Variants in LRRC2 observed in about 807,000 individuals in gnomAD.
The protein encoded by LRRC2 is leucine-rich repeat-containing protein 2.
LRRC2 carries 27 observed loss-of-function variants against 40.2 expected under a neutral mutation model. The ratio of observed to expected loss-of-function variants is 0.67; its 90% CI spans 0.49 to 0.93. The LOEUF is 0.93. Among genes scored for constraint, LRRC2 ranks in the 40% least tolerant of loss-of-function variants. The pLI, the probability that LRRC2 is intolerant of heterozygous loss-of-function variation, is 0.00. For synonymous variants in LRRC2, 147 were observed against 158.9 expected (o/e 0.92, Z 0.56); for missense variants, 402 against 439.6 (o/e 0.91, Z 0.76).
chr3:46,521,485 C>T, intron 8 of LRRC2, 37 bp downstream of exon 8: 8 of 1,481,862 alleles, frequency 5.4e-6, no homozygotes, highest in Non-Finnish European at 7.3e-6. Flanking sequence ...GACGTCTGTA[C>T]ACTAATTTTA....
intron 1 of LRRC2, among the ~76,000 whole-genome samples, chr3:46,564,641 G>C (rs892833030): frequency 5.3e-5 from 8 of 152,146 alleles, no homozygotes; most frequent in African/African-American, 1.9e-4. Flanking sequence ...CTGGGAGGGG[G>C]ACAGGAGCAA....
rs769664566 is a variant in LRRC2 at position 46,527,518 on chromosome 3, C to T, written c.837G>A (p.Met279Ile). The change falls in exon 7 of 9, where the codon ATG (methionine) becomes ATA (isoleucine). Residue 279 changes from methionine (M) to isoleucine (I), a missense_variant. Coordinates refer to ENST00000395905, the MANE Select transcript of LRRC2 (RefSeq NM_024512.5). ...ACAGAGTGAGCTTCTTCAGGTTCAG[C>T]ATGGAATAGGGAAGGTAGGTCAACT... ...KNKLTYLPYS[M>I]LNLKKLTLLV... The T allele has an allele frequency of 5.0e-5, 81 of 1,613,860 alleles. No individual in the cohort carries two copies. Among genetic ancestry groups the T allele is most frequent in the Non-Finnish European group, 6.9e-5 (81 of 1,179,894 alleles).
At chr3:46,544,131 C>G (rs1050070349) in intron 3 of LRRC2, among the ~76,000 whole-genome samples, 1 of 119,916 alleles carries the variant, frequency 8.3e-6, no homozygotes, top group Admixed American at 8.4e-5. Context: ...GTCTCTCCAC[C>G]GAGTCCTTTT....
At position 46,515,581 on chromosome 3, in the gene LRRC2, G is replaced by A. The variant is rs1703846246; in HGVS notation, c.*3433C>T. The A allele has an allele frequency of 1.3e-5, 2 of 152,020 alleles. No individual in the cohort carries two copies. The highest frequency in any genetic ancestry group is 6.6e-5 in the Admixed American group (1 of 15,264). The allele number at this position is 152,020 out of a possible 1,614,324, so 9.4% of individuals were successfully genotyped here. A position where few individuals can be genotyped will look rare whatever the true frequency, so the allele number is the denominator to read the frequency against. On this transcript the variant is annotated 3_prime_UTR_variant, in exon 9 of 9. Transcript: ENST00000395905. Reference sequence around the variant, plus strand: ...CACATTTATATGAATAAATTAAATAGTATCTCTACAAACATATTCAAGTAA... The same window carrying A: ...CACATTTATATGAATAAATTAAATAATATCTCTACAAACATATTCAAGTAA...
chr3:46,548,938 C>CG (rs1228065174), intron 2 of LRRC2, among the ~76,000 whole-genome samples: 1 of 152,088 alleles, frequency 6.6e-6, no homozygotes, highest in Non-Finnish European at 1.5e-5. Context: ...GCTGATCTGA[C>CG]AGGAGGTGGA....
chr3:46,515,590 C>T lies in LRRC2; in HGVS notation c.*3424G>A, dbSNP rs1703846384. 6.6e-6 allele frequency: 1 copy of T among 152,104 alleles called. No individual in the cohort carries two copies. The highest frequency in any genetic ancestry group is 1.5e-5 in the Non-Finnish European group (1 of 68,014). 9.4% of individuals were successfully genotyped at this position (152,104 alleles called of 1,614,324 possible). On this transcript the variant is annotated 3_prime_UTR_variant, in exon 9 of 9. Transcript: ENST00000395905. ...ATGAATAAATTAAATAGTATCTCTACAAACATATTCAAGTAATTATTTGTT... is the reference window on the plus strand; with the variant it reads ...ATGAATAAATTAAATAGTATCTCTATAAACATATTCAAGTAATTATTTGTT...
intron 1 of LRRC2, among the ~76,000 whole-genome samples, chr3:46,564,667 A>AGGAGGACGGAGCTGATGCC (rs1705020400): frequency 1.3e-5 from 2 of 152,042 alleles, no homozygotes; most frequent in East Asian, 3.9e-4. Flanking sequence ...GGAGCAGGAG[A>AGGAGGACGGAGCTGATGCC]GGAGGACGGA....
chr3:46,536,777 A>G (rs1704276882), intron 4 of LRRC2, among the ~76,000 whole-genome samples: 1 of 152,242 alleles, frequency 6.6e-6, no homozygotes, highest in Non-Finnish European at 1.5e-5. Flanking sequence ...AAACTGGCTC[A>G]CAAGGAAAGA....
At chr3:46,546,164 C>T (rs191009730) in intron 2 of LRRC2, among the ~76,000 whole-genome samples, 1 of 152,356 alleles carries the variant, frequency 6.6e-6, no homozygotes, top group East Asian at 1.9e-4. Flanking sequence ...AAACCAGCTG[C>T]AGGTGCAGAC....
At chr3:46,527,624 A>G (rs1183066257) in intron 6 of LRRC2, 43 bp from the exon 7 acceptor site, 2 of 1,533,072 alleles carry the variant, frequency 1.3e-6, no homozygotes, top group African/African-American at 2.7e-5. Context: ...ACTTAGCATC[A>G]TAGCTAAGAA....
chr3:46,536,552 C>T (rs1213152964), intron 4 of LRRC2, among the ~76,000 whole-genome samples: 2 of 152,164 alleles, frequency 1.3e-5, no homozygotes, highest in African/African-American at 2.4e-5. Context: ...TCTCCTCCTC[C>T]GAGTGTGCAA....
chr3:46,565,932 T>G (rs989952851), intron 1 of LRRC2, among the ~76,000 whole-genome samples: 1 of 152,136 alleles, frequency 6.6e-6, no homozygotes, highest in African/African-American at 2.4e-5. Context: ...CTCCCCACGC[T>G]CTCTCCTTTC....
chr3:46,522,970 C>T (rs575685316), intron 7 of LRRC2, among the ~76,000 whole-genome samples: 4 of 152,154 alleles, frequency 2.6e-5, no homozygotes, highest in African/African-American at 4.8e-5. Context: ...GAGATGTTAG[C>T]GTGTTCTCAT....
rs762977279 is a variant in LRRC2 at position 46,527,425 on chromosome 3, C to A, written c.929+1G>T. 4.3e-6 allele frequency: 7 copies of A among 1,613,838 alleles called. No individual in the cohort carries two copies. In the East Asian group the frequency reaches 6.7e-5, roughly 15 times the overall value. On this transcript the variant is annotated splice_donor_variant, in intron 7 of 8. Transcript: ENST00000395905. LOFTEE classifies it high-confidence loss of function. The stretch of plus-strand genomic sequence containing the variant: ...TCTACTGGGATTTCCGGGCTACTCA[C>A]TTTAAAGGTGTGGATGAGTCACAAA...
At chr3:46,543,644 AATAATAAATAAT>A (rs1294836150) in intron 3 of LRRC2, among the ~76,000 whole-genome samples, 1,601 of 97,660 alleles carry the variant, frequency 0.016, 13 homozygotes, top group Middle Eastern at 0.059. Context: ...TAATAATAAT[AATAATAAATAAT>A]AAATACCCTT....
At chr3:46,557,084 T>C (rs1013699870) in intron 1 of LRRC2, among the ~76,000 whole-genome samples, 2 of 152,140 alleles carry the variant, frequency 1.3e-5, no homozygotes, top group Non-Finnish European at 2.9e-5. Context: ...AGCCATCGAA[T>C]CCCCTGTGAC....
chr3:46,534,496 C>T (rs1416340422), intron 4 of LRRC2, among the ~76,000 whole-genome samples: 2 of 149,454 alleles, frequency 1.3e-5, no homozygotes, highest in Admixed American at 6.7e-5. Context: ...TTCTAGCAGC[C>T]GCACCCTTCT....
chr3:46,563,047 G>A (rs185691496), intron 1 of LRRC2, among the ~76,000 whole-genome samples: 65 of 152,024 alleles, frequency 4.3e-4, no homozygotes, highest in African/African-American at 1.4e-3. Context: ...CTTTTGCTTC[G>A]TTTCCTCACT....
At chr3:46,521,772 A>G (rs1703968532) in intron 7 of LRRC2, 114 bp from the exon 8 acceptor site, 9 of 929,740 alleles carry the variant, frequency 9.7e-6, no homozygotes. Flanking sequence ...TTTAAAAGTC[A>G]CATTTGACCA....
Sources: gnomAD v4.1 joint callset for allele counts (sites outside exome capture counted in the v4.1 genomes callset) on GRCh38, gnomAD v4.1.1 for gene constraint, MANE v1.5 for transcripts, NCBI Gene and HGNC (gene_info 2026-07-23, HGNC 2026-07-21) for gene names.